Variants in SNTG2 observed in about 807,000 individuals in gnomAD.
The protein encoded by SNTG2 is syntrophin gamma 2, also known as gamma-2-syntrophin.
SNTG2 carries 74 observed loss-of-function variants against 70.9 expected under a neutral mutation model. The observed-to-expected ratio is 1.04, with a 90% CI of 0.86 to 1.27. The LOEUF (loss-of-function observed/expected upper bound fraction) is 1.27. Among genes scored for constraint, SNTG2 ranks in the 50% most tolerant of loss-of-function variants. The probability of loss-of-function intolerance (pLI) is 0.00; values close to 1 mark genes in which losing one functional copy is unlikely to be tolerated. For synonymous variants in SNTG2, 278 were observed against 273.8 expected (o/e 1.02, Z -0.15); for missense variants, 717 against 690.7 (o/e 1.04, Z -0.43).
intron 14 of SNTG2, among the ~76,000 whole-genome samples, chr2:1,294,900 A>G (rs967750149): frequency 3.3e-5 from 5 of 151,988 alleles, no homozygotes; most frequent in African/African-American, 4.8e-5. Context: ...CTAACATAAC[A>G]CTCTACAGTT....
chr2:1,010,907 C>T (rs116255086), intron 1 of SNTG2, among the ~76,000 whole-genome samples: 54 of 152,234 alleles, frequency 3.5e-4, no homozygotes, highest in African/African-American at 1.2e-3. Context: ...TAGAGTCTTC[C>T]GACTCTGGAC....
At chr2:1,116,796 G>A (rs1315178957) in intron 4 of SNTG2, among the ~76,000 whole-genome samples, 5 of 148,942 alleles carry the variant, frequency 3.4e-5, no homozygotes, top group African/African-American at 5.0e-5. Context: ...GTGTGTGGGT[G>A]CCCTGGTTTA....
intron 1 of SNTG2, among the ~76,000 whole-genome samples, chr2:1,000,677 A>T (rs1432554819): frequency 6.6e-6 from 1 of 151,810 alleles, no homozygotes; most frequent in Non-Finnish European, 1.5e-5. Flanking sequence ...CAGATAAATT[A>T]TACTAGATGT....
chr2:1,037,013 G>A (rs1278777635), intron 1 of SNTG2, among the ~76,000 whole-genome samples: 1 of 152,214 alleles, frequency 6.6e-6, no homozygotes, highest in Non-Finnish European at 1.5e-5. Context: ...AGCTCCCAGG[G>A]GCACCCGTGC....
chr2:1,139,561 C>T (rs1488530970), intron 6 of SNTG2, among the ~76,000 whole-genome samples: 1 of 152,148 alleles, frequency 6.6e-6, no homozygotes, highest in African/African-American at 2.4e-5. Context: ...ACCAGTTGCT[C>T]ACAACTGTAA....
At chr2:1,076,729 A>G (rs1326454015) in intron 1 of SNTG2, among the ~76,000 whole-genome samples, 1 of 152,216 alleles carries the variant, frequency 6.6e-6, no homozygotes, top group African/African-American at 2.4e-5. Flanking sequence ...ATTATTCTAA[A>G]TTATTAAGAA....
chr2:1,153,740 G>GA (rs1422329136), intron 6 of SNTG2, among the ~76,000 whole-genome samples: 1 of 152,126 alleles, frequency 6.6e-6, no homozygotes, highest in East Asian at 1.9e-4. Context: ...GTTATTTAAG[G>GA]AAAAAAACAC....
intron 9 of SNTG2, among the ~76,000 whole-genome samples, chr2:1,235,732 A>G (rs911227129): frequency 7.9e-5 from 12 of 152,190 alleles, no homozygotes; most frequent in African/African-American, 2.9e-4. Context: ...CCTGGCCCAC[A>G]CTGGCACCAC....
intron 16 of SNTG2, among the ~76,000 whole-genome samples, chr2:1,355,625 G>A (rs919455653): frequency 8.5e-5 from 13 of 152,278 alleles, no homozygotes; most frequent in African/African-American, 3.1e-4. Flanking sequence ...CCTGGCTATT[G>A]TGAGTAGTGC....
At chr2:1,336,745 C>T (rs146960859) in intron 16 of SNTG2, among the ~76,000 whole-genome samples, 1 of 152,126 alleles carries the variant, frequency 6.6e-6, no homozygotes, top group East Asian at 1.9e-4. Flanking sequence ...TTCTTGCCAC[C>T]CTTGTAAAGG....
In SNTG2 at chr2:1,266,570, G is replaced by A. The variant is rs556031365; in HGVS notation, c.1078-795G>A. 1.0e-3 allele frequency among the ~76,000 whole-genome samples: 157 copies of A among 152,158 alleles called. 1 individual carries two copies. The highest frequency in any genetic ancestry group is 1.1e-3 in the Non-Finnish European group (77 of 68,008). On this transcript the variant is annotated intron_variant, in intron 13 of 16. Transcript: ENST00000308624. ...GGGTGCCTTGTCATGCTTCAGAGGC[G>A]TTTTGGGCACTCGGTCCTTTATCTC...
chr2:1,357,490 G>T (rs765534036), intron 16 of SNTG2, among the ~76,000 whole-genome samples: 2 of 152,084 alleles, frequency 1.3e-5, no homozygotes, highest in African/African-American at 2.4e-5. Flanking sequence ...TTGACTAGTA[G>T]TGCCTTTGAT....
At chr2:1,171,322 A>G (rs1671111983) in intron 7 of SNTG2, among the ~76,000 whole-genome samples, 1 of 152,218 alleles carries the variant, frequency 6.6e-6, no homozygotes, top group Non-Finnish European at 1.5e-5. Context: ...TAGCTCATTC[A>G]GTCAATGGTG....
chr2:1,014,748 AGGGTGGTCT>A (rs1194036903), intron 1 of SNTG2, among the ~76,000 whole-genome samples: 3 of 150,156 alleles, frequency 2.0e-5, no homozygotes, highest in Non-Finnish European at 4.5e-5. Flanking sequence ...CAGAGAGAGA[AGGGTGGTCT>A]GGAGAAGGAT....
At chr2:1,127,466 A>G (rs4380274) in intron 4 of SNTG2, among the ~76,000 whole-genome samples, 84,195 of 151,990 alleles carry the variant, frequency 0.55, 23,976 homozygotes, top group African/African-American at 0.69. Flanking sequence ...CAAATTTTAC[A>G]ATTTTCTTTT....
intron 2 of SNTG2, among the ~76,000 whole-genome samples, chr2:1,088,711 G>A (rs970239670): frequency 3.9e-5 from 6 of 152,130 alleles, no homozygotes; most frequent in African/African-American, 1.4e-4. Flanking sequence ...TTCTTCCCTC[G>A]TTATGTTCTA....
At chr2:1,175,871 G>T (rs1671441098) in intron 8 of SNTG2, among the ~76,000 whole-genome samples, 1 of 152,236 alleles carries the variant, frequency 6.6e-6, no homozygotes, top group South Asian at 2.1e-4. Context: ...GACAGTCTTT[G>T]TGGCTCTGGT....
At chr2:1,185,528 C>T (rs556506835) in intron 8 of SNTG2, among the ~76,000 whole-genome samples, 13 of 152,330 alleles carry the variant, frequency 8.5e-5, no homozygotes, top group South Asian at 8.3e-4. Flanking sequence ...GAAATCTAGG[C>T]GGAGGCTCCC....
intron 1 of SNTG2, among the ~76,000 whole-genome samples, chr2:1,023,276 C>T (rs1660297813): frequency 1.3e-5 from 2 of 151,990 alleles, no homozygotes; most frequent in Admixed American, 1.3e-4. Flanking sequence ...TCACTTTACT[C>T]TTGGGCCATC....
Sources: allele counts gnomAD v4.1 joint callset (sites outside exome capture counted in the v4.1 genomes callset), GRCh38; gene constraint gnomAD v4.1.1; transcripts MANE v1.5; gene names NCBI Gene and HGNC (gene_info 2026-07-23, HGNC 2026-07-21).